Variants in FBXO42 observed in about 807,000 individuals in gnomAD.
FBXO42 encodes the protein F-box protein 42, also known as F-box only protein 42.
A neutral mutation model predicts 71.7 loss-of-function variants in FBXO42; 12 were observed. That is an observed-to-expected ratio of 0.17 (90% CI 0.11 to 0.27). The LOEUF (loss-of-function observed/expected upper bound fraction) is 0.27. FBXO42 is among the 10% of genes least tolerant of loss of function. FBXO42 has a pLI of 1.00. For missense variants in FBXO42, 707 were observed against 911.9 expected (o/e 0.78, Z 2.89); for synonymous variants, 325 against 327.5 (o/e 0.99, Z 0.08).
chr1:16,312,473 T>C (rs919948203), intron 2 of FBXO42, among the ~76,000 whole-genome samples: 2 of 151,940 alleles, frequency 1.3e-5, no homozygotes, highest in African/African-American at 2.4e-5. Flanking sequence ...AAGGCAAAAC[T>C]ATGGAGACAG....
intron 1 of FBXO42, among the ~76,000 whole-genome samples, chr1:16,346,614 G>A (rs2082656300): frequency 6.6e-6 from 1 of 151,182 alleles, no homozygotes; most frequent in Admixed American, 6.6e-5. Context: ...TGTGAACCCG[G>A]GAAGCAGAGC....
In FBXO42 at chr1:16,352,238, AG is replaced by A. The variant is rs563660459; in HGVS notation, c.-18+16del. The A allele has an allele frequency of 1.2e-4, 47 of 394,182 alleles. No homozygotes were observed. In the South Asian group the frequency reaches 6.0e-3, roughly 50 times the overall value. 24.4% of individuals were successfully genotyped at this position (394,182 alleles called of 1,614,324 possible). On this transcript the variant is annotated intron_variant, in intron 1 of 9. Coordinates refer to ENST00000375592, the MANE Select transcript of FBXO42 (RefSeq NM_018994.3). ...GCCGGCTCCCCTCTGCGGCCCGGGG[AG>A]GAGGAGAGGCCTCACCTGGCCCAGC...
At chr1:16,345,656 T>C (rs1393346112) in intron 1 of FBXO42, among the ~76,000 whole-genome samples, 3 of 151,624 alleles carry the variant, frequency 2.0e-5, no homozygotes, top group African/African-American at 7.3e-5. Flanking sequence ...GAGACCATCC[T>C]GGCTAACAAG....
intron 4 of FBXO42, among the ~76,000 whole-genome samples, chr1:16,291,265 A>T (rs1025927487): frequency 1.3e-5 from 2 of 152,160 alleles, no homozygotes; most frequent in Non-Finnish European, 2.9e-5. Flanking sequence ...ACTAATTGAC[A>T]TTTCAGTTAG....
intron 3 of FBXO42, among the ~76,000 whole-genome samples, chr1:16,301,055 C>T (rs113277283): frequency 0.026 from 3,924 of 151,988 alleles, 144 homozygotes; most frequent in African/African-American, 0.09. Context: ...GCGCCCACCA[C>T]GCCCAGCTAA....
At chr1:16,277,527 C>T (rs1255422980) in intron 4 of FBXO42, among the ~76,000 whole-genome samples, 4 of 151,384 alleles carry the variant, frequency 2.6e-5, no homozygotes, top group Non-Finnish European at 4.4e-5. Context: ...AAGTTTGAGA[C>T]CAGCCTGGCC....
intron 5 of FBXO42, among the ~76,000 whole-genome samples, chr1:16,256,026 G>A (rs769534980): frequency 4.6e-5 from 7 of 152,144 alleles, no homozygotes; most frequent in Non-Finnish European, 8.8e-5. Flanking sequence ...GAATGTAAAC[G>A]GTCTGGAGGG....
chr1:16,352,197 A>C, intron 1 of FBXO42, 58 bp downstream of exon 1: 1 of 389,006 alleles, frequency 2.6e-6, no homozygotes, highest in Non-Finnish European at 4.5e-6. Context: ...AGTCCCGGGC[A>C]TAAAGGGCAG....
chr1:16,342,075 A>C (rs905828386), intron 1 of FBXO42, among the ~76,000 whole-genome samples: 1 of 151,220 alleles, frequency 6.6e-6, no homozygotes, highest in African/African-American at 2.4e-5. Flanking sequence ...CCAGGGGTTC[A>C]GGACCACCCT....
intron 1 of FBXO42, among the ~76,000 whole-genome samples, chr1:16,347,220 GA>G (rs1215941546): frequency 6.6e-6 from 1 of 151,888 alleles, no homozygotes; most frequent in South Asian, 2.1e-4. Flanking sequence ...TAAAAACTCA[GA>G]AAAAAACTTT....
intron 4 of FBXO42, among the ~76,000 whole-genome samples, chr1:16,286,426 G>A (rs2082023199): frequency 6.6e-6 from 1 of 152,130 alleles, no homozygotes; most frequent in Non-Finnish European, 1.5e-5. Context: ...AGTGCAAGCA[G>A]GGGAAATGCC....
At chr1:16,349,084 T>G (rs534433786) in intron 1 of FBXO42, among the ~76,000 whole-genome samples, 2 of 152,182 alleles carry the variant, frequency 1.3e-5, no homozygotes, top group Non-Finnish European at 2.9e-5. Context: ...AAGCCATAAC[T>G]GGGGCATACT....
rs138641948 is a variant in FBXO42, at chr1:16,323,722, G to A, written c.-17-8287C>T. ...GGAGAATCCCTTGAACCCAGGAGGC[G>A]GAGATTGCAGTGAGCCGAGATCGTA... On this transcript the variant is annotated intron_variant, in intron 1 of 9. Coordinates refer to ENST00000375592, the MANE Select transcript of FBXO42 (RefSeq NM_018994.3). 2.3e-3 allele frequency among the ~76,000 whole-genome samples: 339 copies of A among 149,598 alleles called. 9 individuals carry two copies. The East Asian group carries it at 0.051, about 23-fold the overall frequency.
chr1:16,266,955 C>T (rs143836259), intron 4 of FBXO42, among the ~76,000 whole-genome samples: 1 of 152,256 alleles, frequency 6.6e-6, no homozygotes, highest in East Asian at 1.9e-4. Context: ...TTACTCAAAA[C>T]TATTTTGATT....
rs114755321 is a variant in FBXO42, at chr1:16,351,820, T to C, written c.-18+435A>G. On this transcript the variant is annotated intron_variant, in intron 1 of 9. Transcript: ENST00000375592. ...GTAAACCAATTCCAAAATTATCCCT[T>C]TGCAGCTGCAGGTTCAGAGATGCTA... is the stretch of plus-strand genomic sequence containing the variant. Among the ~76,000 whole-genome samples the C allele has an allele frequency of 2.7e-3, 417 of 152,294 alleles. 1 individual carries two copies. The highest frequency in any genetic ancestry group is 9.6e-3 in the African/African-American group (400 of 41,562).
At position 16,306,009 on chromosome 1, in the gene FBXO42, T is replaced by G. The variant is rs1294943701; in HGVS notation, c.251-90A>C. On this transcript the variant is annotated intron_variant, in intron 2 of 9. Coordinates refer to ENST00000375592, the MANE Select transcript of FBXO42 (RefSeq NM_018994.3). ...GTGTCTATTACCTGTTTTTATCATT[T>G]TTATACAAGTTTCTTTTTTTTTTCT... 9.5e-6 allele frequency: 9 copies of G among 950,604 alleles called. 1 individual carries two copies. The highest frequency in any genetic ancestry group is 1.7e-5 in the African/African-American group (1 of 60,212). 58.9% of individuals were successfully genotyped at this position (950,604 alleles called of 1,614,324 possible). A position where few individuals can be genotyped will look rare whatever the true frequency, so the allele number is the denominator to read the frequency against.
At chr1:16,349,490 G>A (rs184694582) in intron 1 of FBXO42, among the ~76,000 whole-genome samples, 22 of 152,250 alleles carry the variant, frequency 1.4e-4, no homozygotes, top group African/African-American at 4.3e-4. Flanking sequence ...GCACTTTCAC[G>A]AACACTATCT....
chr1:16,348,489 G>A (rs895578712), intron 1 of FBXO42, among the ~76,000 whole-genome samples: 3 of 152,040 alleles, frequency 2.0e-5, no homozygotes, highest in Admixed American at 6.6e-5. Flanking sequence ...ACATGGTCAG[G>A]AGTTCGAGAC....
chr1:16,310,409 T>C (rs1196957830), intron 2 of FBXO42, among the ~76,000 whole-genome samples: 6 of 151,240 alleles, frequency 4.0e-5, no homozygotes, highest in Admixed American at 3.3e-4. Context: ...CATGTGCTTG[T>C]AGTGCCAGCT....
Sources: allele counts gnomAD v4.1 joint callset (sites outside exome capture counted in the v4.1 genomes callset), GRCh38; gene constraint gnomAD v4.1.1; transcripts MANE v1.5; gene names NCBI Gene and HGNC (gene_info 2026-07-23, HGNC 2026-07-21).